The following BICRAL variants were observed in gnomAD, a reference collection of about 807,000 sequenced individuals.
BICRAL encodes BRD4-interacting chromatin-remodeling complex-associated protein-like.
A neutral mutation model predicts 91.8 loss-of-function variants in BICRAL; 8 were observed. That is an observed-to-expected ratio of 0.09 (90% CI 0.05 to 0.16). The LOEUF is 0.16. Ranked by LOEUF, BICRAL falls within the 10% of genes least tolerant of loss-of-function variation. The probability of loss-of-function intolerance (pLI) is 1.00; values close to 1 mark genes in which losing one functional copy is unlikely to be tolerated. For synonymous variants in BICRAL, 445 were observed against 491.1 expected (o/e 0.91, Z 1.24); for missense variants, 1,038 against 1,310.9 (o/e 0.79, Z 3.21).
At chr6:42,791,425 T>G (rs9357404) in intron 1 of BICRAL, among the ~76,000 whole-genome samples, 15,037 of 152,116 alleles carry the variant, frequency 0.099, 1,360 homozygotes, top group African/African-American at 0.23. Context: ...TGTGAGAGAA[T>G]AAGATATGAA....
intron 2 of BICRAL, among the ~76,000 whole-genome samples, chr6:42,817,144 T>TTA (rs890257320): frequency 1.5e-5 from 2 of 134,158 alleles, no homozygotes; most frequent in East Asian, 2.2e-4. Context: ...CACACATCAT[T>TTA]TATATGTGTG....
At chr6:42,766,901 G>A (rs1008931444) in intron 1 of BICRAL, among the ~76,000 whole-genome samples, 6 of 152,284 alleles carry the variant, frequency 3.9e-5, no homozygotes, top group African/African-American at 9.6e-5. Context: ...TTAGCCGGGC[G>A]TGGTGGCAGG....
At chr6:42,760,645 A>G (rs185285822) in intron 1 of BICRAL, among the ~76,000 whole-genome samples, 85 of 152,138 alleles carry the variant, frequency 5.6e-4, no homozygotes, top group Admixed American at 4.5e-3. Flanking sequence ...GGCTCAAGCA[A>G]TCTGCTCATC....
intron 1 of BICRAL, among the ~76,000 whole-genome samples, chr6:42,782,428 T>C (rs928124971): frequency 2.6e-4 from 36 of 137,764 alleles, no homozygotes; most frequent in Non-Finnish European, 4.8e-4. Context: ...CGAGTGTTTA[T>C]GCCTTTCCCA....
chr6:42,799,145 G>C (rs1433680163), intron 1 of BICRAL, among the ~76,000 whole-genome samples: 1 of 152,088 alleles, frequency 6.6e-6, no homozygotes, highest in Non-Finnish European at 1.5e-5. Flanking sequence ...GAGCTCAAAT[G>C]AACCTCCTGC....
In BICRAL at chr6:42,815,804, G is replaced by T. The variant is rs529558104; in HGVS notation, c.-6+5403G>T. ...GGAGTTCGAGACTAGCCTGACCAACGTGGAGAAACCCTGTCTCTACTAAAA... is the reference window on the plus strand; with the variant it reads ...GGAGTTCGAGACTAGCCTGACCAACTTGGAGAAACCCTGTCTCTACTAAAA... On this transcript the variant is annotated intron_variant, in intron 2 of 12. Transcript: ENST00000314073. 4.0e-5 allele frequency among the ~76,000 whole-genome samples: 6 copies of T among 150,564 alleles called. No homozygotes were observed. The East Asian group carries it at 1.2e-3, about 30-fold the overall frequency.
rs372192707 is a variant in BICRAL at position 42,864,740 on chromosome 6, A to T, written c.2534A>T (p.His845Leu). The T allele has an allele frequency of 8.1e-6, 13 of 1,614,068 alleles. No individual in the cohort carries two copies. Among genetic ancestry groups the T allele is most frequent in the African/African-American group, 1.3e-5 (1 of 74,918 alleles). Residue 845 changes from histidine (H) to leucine (L), a missense_variant, in exon 13 of 13, where the codon CAT (histidine) becomes CTT (leucine). Physicochemically the swap from His to Leu is moderately conservative, Grantham distance 99 (BLOSUM62 -3). Transcript: ENST00000314073. ...HETQFGRSDQ[H>L]GSKASSSLQP... is the part of the protein sequence containing the mutation. The stretch of plus-strand genomic sequence containing the variant: ...ACACAGTTTGGCCGGAGTGACCAGC[A>T]TGGCAGTAAAGCAAGCAGCTCTCTG...
chr6:42,803,756 C>G (rs1017390490), intron 1 of BICRAL, among the ~76,000 whole-genome samples: 1 of 152,202 alleles, frequency 6.6e-6, no homozygotes, highest in Non-Finnish European at 1.5e-5. Context: ...AAGGAGGATA[C>G]GTTCTGAGAA....
At chr6:42,778,358 G>A (rs531768046), upstream of BICRAL, among the ~76,000 whole-genome samples, 3 of 152,270 alleles carry the variant, frequency 2.0e-5, no homozygotes, top group East Asian at 5.8e-4. Flanking sequence ...GCCCTTATTA[G>A]ACTGATGTTC....
upstream of BICRAL, among the ~76,000 whole-genome samples, chr6:42,781,333 C>T (rs561527990): frequency 2.0e-5 from 3 of 152,176 alleles, no homozygotes; most frequent in African/African-American, 7.2e-5. Context: ...TGTTCACATA[C>T]GGGCTTCACA....
chr6:42,795,750 T>G (rs1763399481), intron 1 of BICRAL, among the ~76,000 whole-genome samples: 1 of 152,238 alleles, frequency 6.6e-6, no homozygotes, highest in South Asian at 2.1e-4. Flanking sequence ...AATATTTTTC[T>G]TACATCATAT....
chr6:42,792,483 AG>A (rs1258105293), intron 1 of BICRAL, among the ~76,000 whole-genome samples: 3 of 151,140 alleles, frequency 2.0e-5, no homozygotes, highest in Non-Finnish European at 2.9e-5. Flanking sequence ...ATGTTGCCCA[AG>A]CTGGTCTCAA....
chr6:42,802,434 G>GT (rs368468323), intron 1 of BICRAL, among the ~76,000 whole-genome samples: 31,570 of 140,710 alleles, frequency 0.22, 3,835 homozygotes, highest in East Asian at 0.31. Flanking sequence ...TTTTTTTGTT[G>GT]TTGTTGTTGT....
At chr6:42,771,245 T>G (rs565515677) in intron 1 of BICRAL, among the ~76,000 whole-genome samples, 1 of 152,368 alleles carries the variant, frequency 6.6e-6, no homozygotes, top group African/African-American at 2.4e-5. Context: ...CGCCACGTGC[T>G]GCAGAAAGAG....
chr6:42,769,232 C>G (rs1002576958), intron 1 of BICRAL, among the ~76,000 whole-genome samples: 2 of 152,142 alleles, frequency 1.3e-5, no homozygotes, highest in South Asian at 2.1e-4. Context: ...CAAGCTCACC[C>G]GTGAGGCGGT....
intron 6 of BICRAL, among the ~76,000 whole-genome samples, chr6:42,837,013 C>G (rs1356158935): frequency 6.6e-6 from 1 of 151,678 alleles, no homozygotes; most frequent in South Asian, 2.1e-4. Context: ...GGCACTATCT[C>G]GGCTCACTGC....
At chr6:42,771,257 A>G (rs376517209) in intron 1 of BICRAL, among the ~76,000 whole-genome samples, 1 of 151,506 alleles carries the variant, frequency 6.6e-6, no homozygotes, top group African/African-American at 2.4e-5. Context: ...CAGAAAGAGG[A>G]CCCCTCCCCC....
chr6:42,760,992 AG>A (rs1458646400), intron 1 of BICRAL, among the ~76,000 whole-genome samples: 1 of 147,510 alleles, frequency 6.8e-6, no homozygotes, highest in African/African-American at 2.7e-5. Context: ...ACTGCATTTC[AG>A]CCTGATCACG....
Position 42,805,825 on chromosome 6 carries a change from C to T in BICRAL, c.-101-4481C>T, listed in dbSNP as rs532983203. Among the ~76,000 whole-genome samples the T allele has an allele frequency of 7.9e-5, 12 of 152,102 alleles. 1 individual carries two copies. The South Asian group carries it at 2.5e-3, about 32-fold the overall frequency. ...GACCGTCCTGGCTAACACGATGAAA[C>T]CCCGTCTCTACTAAAAATAGGAAAA... On this transcript the variant is annotated intron_variant, in intron 1 of 12. Coordinates refer to ENST00000314073, the MANE Select transcript of BICRAL (RefSeq NM_001393499.1).
Sources: gnomAD v4.1 joint callset for allele counts (sites outside exome capture counted in the v4.1 genomes callset) on GRCh38, gnomAD v4.1.1 for gene constraint, MANE v1.5 for transcripts, NCBI Gene and HGNC (gene_info 2026-07-23, HGNC 2026-07-21) for gene names.